DDHD1: variants seen among roughly 807,000 people sequenced by gnomAD.
DDHD1 encodes the protein phospholipase DDHD1.
In DDHD1, 49 loss-of-function variants were observed where a neutral mutation model predicts 96.4. The ratio of observed to expected loss-of-function variants is 0.51; its 90% CI spans 0.40 to 0.64. The LOEUF is 0.64. Among genes scored for constraint, DDHD1 ranks in the 30% least tolerant of loss-of-function variants. The probability of loss-of-function intolerance (pLI) is 0.00; values close to 1 mark genes in which losing one functional copy is unlikely to be tolerated. For missense variants in DDHD1, 1,106 were observed against 1,161.2 expected (o/e 0.95, Z 0.69); for synonymous variants, 442 against 446.5 (o/e 0.99, Z 0.13).
intron 2 of DDHD1, among the ~76,000 whole-genome samples, chr14:53,096,909 A>T (rs1886925277): frequency 6.6e-6 from 1 of 152,046 alleles, no homozygotes; most frequent in African/African-American, 2.4e-5. Flanking sequence ...GACAACTTGT[A>T]AGCACTAAAC....
At position 53,037,832 on chromosome 14, in the gene DDHD1, G is replaced by T. The variant is rs1881372379; in HGVS notation, c.*8936C>A. ...TGATGTTGATAAGGGTATTTCCTAG[G>T]TTTTCTTCTAGGATTTTTACAGTTT... is the stretch of plus-strand genomic sequence containing the variant. On this transcript the variant is annotated 3_prime_UTR_variant, in exon 13 of 13. Transcript: ENST00000673822. The T allele has an allele frequency of 6.6e-6, 1 of 152,010 alleles. No individual in the cohort carries two copies. The highest frequency in any genetic ancestry group is 2.1e-4 in the South Asian group (1 of 4,818). The allele number at this position is 152,010 out of a possible 1,614,324, so 9.4% of individuals were successfully genotyped here.
chr14:53,136,390 A>G (rs1404359983), intron 1 of DDHD1, among the ~76,000 whole-genome samples: 3 of 152,246 alleles, frequency 2.0e-5, no homozygotes, highest in African/African-American at 4.8e-5. Context: ...AACAAAGCCT[A>G]GCACTCTAAT....
chr14:53,152,118 C>CGGATATG, intron 1 of DDHD1, 143 bp downstream of exon 1: 8 of 827,376 alleles, frequency 9.7e-6, no homozygotes, highest in East Asian at 3.0e-5. Flanking sequence ...CCGACGCTCC[C>CGGATATG]TGCTCAATCT....
chr14:53,102,072 C>G (rs1175765263), intron 2 of DDHD1, among the ~76,000 whole-genome samples: 3 of 151,738 alleles, frequency 2.0e-5, no homozygotes, highest in African/African-American at 7.3e-5. Flanking sequence ...GGTGAACTGA[C>G]ATTTTTGAGG....
At chr14:53,075,981 TG>T (rs1346251902) in intron 4 of DDHD1, among the ~76,000 whole-genome samples, 1 of 152,110 alleles carries the variant, frequency 6.6e-6, no homozygotes, top group African/African-American at 2.4e-5. Flanking sequence ...CCGCTGACAA[TG>T]TACCTGGTCA....
intron 1 of DDHD1, among the ~76,000 whole-genome samples, chr14:53,108,448 C>T (rs955890774): frequency 2.0e-5 from 3 of 152,218 alleles, no homozygotes; most frequent in African/African-American, 7.2e-5. Context: ...AGACTTGCCA[C>T]AAGCTTGGAA....
Position 53,038,749 on chromosome 14 carries a change from A to G in DDHD1, c.*8019T>C, listed in dbSNP as rs1175698580. 2 of 152,228 alleles carry G rather than the reference A, an allele frequency of 1.3e-5. No homozygotes were observed. Among genetic ancestry groups the G allele is most frequent in the African/African-American group, 4.8e-5 (2 of 41,470 alleles). 9.4% of individuals were successfully genotyped at this position (152,228 alleles called of 1,614,324 possible). On this transcript the variant is annotated 3_prime_UTR_variant, in exon 13 of 13. Transcript: ENST00000673822. ...AATAGCCAAAGCAACCCAAAGCAGA[A>G]AGAACAAAGCCAGCAGCATCACACA...
chr14:53,076,691 C>T (rs1242834965), intron 4 of DDHD1, among the ~76,000 whole-genome samples: 2 of 152,256 alleles, frequency 1.3e-5, no homozygotes, highest in African/African-American at 4.8e-5. Flanking sequence ...GCTAACTTCA[C>T]TGTTGTCTTA....
intron 4 of DDHD1, among the ~76,000 whole-genome samples, chr14:53,083,233 C>T (rs981382946): frequency 1.3e-5 from 2 of 151,722 alleles, no homozygotes; most frequent in Non-Finnish European, 2.9e-5. Flanking sequence ...AAAAAGGTTT[C>T]AGGAGGGAAT....
chr14:53,136,310 C>T (rs944383613), intron 1 of DDHD1, among the ~76,000 whole-genome samples: 8 of 152,232 alleles, frequency 5.3e-5, no homozygotes, highest in African/African-American at 1.9e-4. Context: ...GGTCTCTTCA[C>T]ACGGACGCAT....
chr14:53,057,615 G>T (rs1193031320), intron 9 of DDHD1, among the ~76,000 whole-genome samples: 2 of 152,114 alleles, frequency 1.3e-5, no homozygotes, highest in Non-Finnish European at 2.9e-5. Flanking sequence ...ATGGTTTCTA[G>T]GTTACTGGTA....
chr14:53,123,391 A>G (rs1385082304), intron 1 of DDHD1, among the ~76,000 whole-genome samples: 1 of 151,606 alleles, frequency 6.6e-6, no homozygotes, highest in Non-Finnish European at 1.5e-5. Context: ...TAGGTGATCC[A>G]CCGACCTCGG....
chr14:53,059,393 C>T (rs1173593310), intron 8 of DDHD1, among the ~76,000 whole-genome samples: 1 of 151,710 alleles, frequency 6.6e-6, no homozygotes, highest in Non-Finnish European at 1.5e-5. Context: ...TACAGGCGCC[C>T]GCCACCACGC....
In DDHD1 at chr14:53,073,168, G is replaced by A. The variant is rs1269256134; in HGVS notation, c.1397-465C>T. 2.6e-5 allele frequency among the ~76,000 whole-genome samples: 4 copies of A among 152,106 alleles called. No homozygotes were observed. In the East Asian group the frequency reaches 5.8e-4, roughly 22 times the overall value. On this transcript the variant is annotated intron_variant, in intron 5 of 12. Coordinates refer to ENST00000673822, the MANE Select transcript of DDHD1 (RefSeq NM_001160148.2). ...TAATATTTAACAGACATAACTTTGT[G>A]TAAAGAAAGACACATATTTTGGTTG...
At chr14:53,109,019 G>A (rs1887907301) in intron 1 of DDHD1, among the ~76,000 whole-genome samples, 1 of 152,092 alleles carries the variant, frequency 6.6e-6, no homozygotes. Context: ...GGGTTCTTGG[G>A]TTCTTAGTTT....
At chr14:53,079,965 T>G (rs1056261134) in intron 4 of DDHD1, among the ~76,000 whole-genome samples, 2 of 152,224 alleles carry the variant, frequency 1.3e-5, no homozygotes, top group African/African-American at 2.4e-5. Context: ...TCGTTTTCAT[T>G]GCATTCCATC....
chr14:53,053,351 T>G lies in DDHD1; in HGVS notation c.2437+1087A>C, dbSNP rs1451406737. The G allele has an allele frequency of 3.9e-5, 6 of 152,222 alleles. No individual in the cohort carries two copies. The East Asian group carries it at 1.2e-3, about 29-fold the overall frequency. 9.4% of individuals were successfully genotyped at this position (152,222 alleles called of 1,614,324 possible). ...TATATTTAATGCAAATATCAAAGTCTAAAAAAGAATTTTCCAGACTTGCAA... is the reference window on the plus strand; with the variant it reads ...TATATTTAATGCAAATATCAAAGTCGAAAAAAGAATTTTCCAGACTTGCAA... On this transcript the variant is annotated intron_variant, in intron 11 of 12. Transcript: ENST00000673822.
chr14:53,152,245 C>G lies in DDHD1; in HGVS notation c.838+16G>C, dbSNP rs772988112. The G allele has an allele frequency of 1.3e-6, 2 of 1,584,938 alleles. No homozygotes were observed. Among genetic ancestry groups the G allele is most frequent in the Non-Finnish European group, 1.7e-6 (2 of 1,163,802 alleles). Reference sequence around the variant, plus strand: ...AGGGGCAGCCCGTCCTGCCCTAACCCCGGCCCGCTACTCACGGTTCCAGTA... The same window carrying G: ...AGGGGCAGCCCGTCCTGCCCTAACCGCGGCCCGCTACTCACGGTTCCAGTA... On this transcript the variant is annotated intron_variant, in intron 1 of 12. Transcript: ENST00000673822.
intron 8 of DDHD1, among the ~76,000 whole-genome samples, chr14:53,059,191 A>G (rs1883319444): frequency 6.6e-6 from 1 of 152,222 alleles, no homozygotes; most frequent in Non-Finnish European, 1.5e-5. Flanking sequence ...CCAGGCTGAT[A>G]GAACCAAATG....
Sources: gnomAD v4.1 joint callset for allele counts (sites outside exome capture counted in the v4.1 genomes callset) on GRCh38, gnomAD v4.1.1 for gene constraint, MANE v1.5 for transcripts, NCBI Gene and HGNC (gene_info 2026-07-23, HGNC 2026-07-21) for gene names.